The following OPTC variants were observed in gnomAD, a reference collection of about 807,000 sequenced individuals.
The protein encoded by OPTC is opticin.
Under a neutral mutation model 25.4 loss-of-function variants are expected in OPTC, and 22 were observed. The observed-to-expected ratio is 0.87, with a 90% CI of 0.62 to 1.24. The LOEUF is 1.24. Among genes scored for constraint, OPTC ranks in the 50% most tolerant of loss-of-function variants. The pLI is 0.00. For synonymous variants in OPTC, 169 were observed against 179.3 expected (o/e 0.94, Z 0.46); for missense variants, 417 against 425.2 (o/e 0.98, Z 0.17).
intron 2 of OPTC, 62 bp from the exon 3 acceptor site, chr1:203,496,915 C>T: frequency 6.3e-7 from 1 of 1,585,378 alleles, no homozygotes; most frequent in Non-Finnish European, 8.7e-7. Context: ...TTCCCAGAGT[C>T]CAAAGTTAAG....
At chr1:203,498,373 C>T (rs1661311946) in intron 3 of OPTC, among the ~76,000 whole-genome samples, 1 of 152,160 alleles carries the variant, frequency 6.6e-6, no homozygotes, top group African/African-American at 2.4e-5. Context: ...GGAAAAGAGA[C>T]CAAGGGATTT....
intron 1 of OPTC, among the ~76,000 whole-genome samples, chr1:203,494,420 A>C (rs1661245876): frequency 6.6e-6 from 1 of 152,124 alleles, no homozygotes; most frequent in Admixed American, 6.5e-5. Flanking sequence ...GAGGTATGGG[A>C]GGTAAGGTGA....
At chr1:203,499,589 T>C in intron 4 of OPTC, 60 bp from the exon 5 acceptor site, 3 of 1,450,156 alleles carry the variant, frequency 2.1e-6, no homozygotes, top group Non-Finnish European at 9.7e-7. Flanking sequence ...AGCTCCAACC[T>C]GGACAAGGAA....
intron 5 of OPTC, among the ~76,000 whole-genome samples, chr1:203,500,240 CA>C (rs1249495590): frequency 6.0e-5 from 2 of 33,488 alleles, no homozygotes; most frequent in Non-Finnish European, 1.2e-4. Flanking sequence ...CCCACCTCCA[CA>C]CACCACCACC....
At chr1:203,501,288 A>C (rs1448705660) in intron 5 of OPTC, among the ~76,000 whole-genome samples, 1 of 152,074 alleles carries the variant, frequency 6.6e-6, no homozygotes, top group Non-Finnish European at 1.5e-5. Context: ...TTTAGTAGAG[A>C]TGGGGTTTCA....
Position 203,496,998 on chromosome 1 carries a change from C to T in OPTC, c.253C>T (p.Pro85Ser), listed in dbSNP as rs1321089244. 6.2e-7 allele frequency: 1 copy of T among 1,613,958 alleles called. No individual in the cohort carries two copies. Among genetic ancestry groups the T allele is most frequent in the African/African-American group, 1.3e-5 (1 of 74,904 alleles). ...CCAGGTTAAGGTGACTAGCCTCGCT[C>T]CTGCAACCAGCATCAGTCCCGCCAA... ...LPEVKVTSLA[P>S]ATSISPAKST... The change falls in exon 3 of 8, where the codon CCT becomes TCT. Residue 85 changes from proline (P) to serine (S), a missense_variant. By Grantham distance (74) the Pro-to-Ser change is moderately conservative. Transcript: ENST00000367222.
chr1:203,500,994 T>G (rs1356093491), intron 5 of OPTC, among the ~76,000 whole-genome samples: 2 of 152,250 alleles, frequency 1.3e-5, no homozygotes, highest in African/African-American at 4.8e-5. Context: ...TGGCTTGGAA[T>G]AGTGCTGATT....
intron 5 of OPTC, among the ~76,000 whole-genome samples, chr1:203,500,184 C>T (rs1422757277): frequency 1.9e-4 from 1 of 5,292 alleles, no homozygotes; most frequent in Non-Finnish European, 4.5e-4. Context: ...CCACCACCAC[C>T]ACCACCACCA....
In OPTC at chr1:203,495,985, C is replaced by T. The variant is rs1262516878; in HGVS notation, c.-21C>T. 1 of 1,570,536 alleles carries T rather than the reference C, an allele frequency of 6.4e-7. No homozygotes were observed. The highest frequency in any genetic ancestry group is 8.7e-7 in the Non-Finnish European group (1 of 1,146,744). On this transcript the variant is annotated 5_prime_UTR_variant, in exon 2 of 8. Coordinates refer to ENST00000367222, the MANE Select transcript of OPTC (RefSeq NM_014359.4). ...GCCAGGACCAGCCGCTGAAGGGATT[C>T]TCAGTCCCATCTGACTCCCCATGAG...
At chr1:203,507,760 A>G (rs1661519161) in intron 7 of OPTC, among the ~76,000 whole-genome samples, 1 of 148,694 alleles carries the variant, frequency 6.7e-6, no homozygotes, top group Admixed American at 6.7e-5. Flanking sequence ...CTGTTTTTCC[A>G]AAGGTTACCC....
At chr1:203,505,075 C>T (rs937168003) in intron 7 of OPTC, among the ~76,000 whole-genome samples, 14 of 152,148 alleles carry the variant, frequency 9.2e-5, no homozygotes, top group African/African-American at 3.4e-4. Context: ...TGGACGGGCT[C>T]TTGGCCTCAG....
intron 5 of OPTC, 125 bp from the exon 6 acceptor site, chr1:203,502,789 A>G: frequency 1.3e-6 from 1 of 769,672 alleles, no homozygotes; most frequent in Non-Finnish European, 2.3e-6. Context: ...AGCTTGGCGC[A>G]TGGCTGAGGC....
chr1:203,497,229 AG>A, intron 3 of OPTC, 114 bp downstream of exon 3: 1 of 1,093,142 alleles, frequency 9.1e-7, no homozygotes, highest in Non-Finnish European at 1.4e-6. Context: ...ATGGAGGGTC[AG>A]GGCTACCCTT....
chr1:203,498,551 G>C (rs1661315185), intron 3 of OPTC, 130 bp from the exon 4 acceptor site: 1 of 1,084,168 alleles, frequency 9.2e-7, no homozygotes, highest in Non-Finnish European at 1.4e-6. Flanking sequence ...GTGCCCGTCA[G>C]TTCTGGGCAG....
chr1:203,503,821 C>A lies in OPTC; in HGVS notation c.*25+76C>A, dbSNP rs546416241. On this transcript the variant is annotated intron_variant, in intron 7 of 7. Transcript: ENST00000367222. ...CAATTCCTTATCTTTAAACGGTGAT[C>A]TTTAGCCCAGGCATTAATCAACCTC... 38 of 1,302,660 alleles carry A rather than the reference C, an allele frequency of 2.9e-5. No homozygotes were observed. In the South Asian group the frequency reaches 4.4e-4, roughly 15 times the overall value. The allele number at this position is 1,302,660 out of a possible 1,614,324, so 80.7% of individuals were successfully genotyped here.
At chr1:203,495,927 C>A in intron 1 of OPTC, 38 bp from the exon 2 acceptor site, 1 of 921,716 alleles carries the variant, frequency 1.1e-6, no homozygotes, top group Non-Finnish European at 1.7e-6. Flanking sequence ...GAGAGCCTGT[C>A]CCTCAGATCG....
At chr1:203,506,807 C>T (rs577673188) in intron 7 of OPTC, among the ~76,000 whole-genome samples, 11 of 152,322 alleles carry the variant, frequency 7.2e-5, no homozygotes, top group African/African-American at 2.2e-4. Context: ...GGATTCAATC[C>T]GGGGTCCATC....
At chr1:203,504,021 C>T (rs1039477941) in intron 7 of OPTC, among the ~76,000 whole-genome samples, 2 of 152,138 alleles carry the variant, frequency 1.3e-5, no homozygotes, top group Non-Finnish European at 2.9e-5. Context: ...CCATATTCCC[C>T]ATCTCTTGCA....
Position 203,496,984 on chromosome 1 carries a change from T to A in OPTC, c.239T>A (p.Val80Glu), listed in dbSNP as rs764902482. Reference sequence around the variant, plus strand: ...TCTGTGCTACATCTCCAGGTTAAGGTGACTAGCCTCGCTCCTGCAACCAGC... The same window carrying A: ...TCTGTGCTACATCTCCAGGTTAAGGAGACTAGCCTCGCTCCTGCAACCAGC... ...DYGDQLPEVK[V>E]TSLAPATSIS... Residue 80 changes from valine (V) to glutamate (E), a missense_variant, in exon 3 of 8, where the codon GTG (valine) becomes GAG (glutamate). Transcript: ENST00000367222. The A allele has an allele frequency of 8.1e-6, 13 of 1,613,888 alleles. No homozygotes were observed. In the African/African-American group the frequency reaches 1.7e-4, roughly 22 times the overall value.
Sources: gnomAD v4.1 joint callset for allele counts (sites outside exome capture counted in the v4.1 genomes callset) on GRCh38, gnomAD v4.1.1 for gene constraint, MANE v1.5 for transcripts, NCBI Gene and HGNC (gene_info 2026-07-23, HGNC 2026-07-21) for gene names.